The following WDR72 variants were observed in gnomAD, a reference collection of about 807,000 sequenced individuals.
WDR72 encodes the protein WD repeat-containing protein 72.
WDR72 carries 120 observed loss-of-function variants against 124.2 expected under a neutral mutation model. The ratio of observed to expected loss-of-function variants is 0.97; its 90% confidence interval spans 0.83 to 1.12. The LOEUF (loss-of-function observed/expected upper bound fraction) is 1.12, where lower values mean the gene tolerates loss of function less well. WDR72 is among the 50% of genes most tolerant of loss of function. The pLI, the probability that WDR72 is intolerant of heterozygous loss-of-function variation, is 0.00. For synonymous variants in WDR72, 452 were observed against 441.7 expected (o/e 1.02, Z -0.29); for missense variants, 1,387 against 1,278.8 (o/e 1.08, Z -1.29).
At chr15:53,701,543 T>TCTCTCTCTCTCTCG (rs896199248) in intron 12 of WDR72, among the ~76,000 whole-genome samples, 2 of 101,072 alleles carry the variant, frequency 2.0e-5, no homozygotes, top group African/African-American at 6.0e-5. Context: ...CCTGTCTCTC[T>TCTCTCTCTCTCTCG]CTCTCTCTCT....
chr15:53,615,324 T>G, intron 15 of WDR72, 102 bp downstream of exon 15: 1 of 948,704 alleles, frequency 1.1e-6, no homozygotes, highest in Non-Finnish European at 1.6e-6. Flanking sequence ...TACCCCCCAC[T>G]GGAAAGAAGG....
intron 17 of WDR72, among the ~76,000 whole-genome samples, chr15:53,607,614 T>G (rs980251157): frequency 1.3e-5 from 2 of 151,984 alleles, no homozygotes; most frequent in South Asian, 4.2e-4. Context: ...TGGGCAAAAA[T>G]TTCCTGAGTA....
At chr15:53,588,464 C>T (rs1302259232) in intron 18 of WDR72, among the ~76,000 whole-genome samples, 1 of 151,958 alleles carries the variant, frequency 6.6e-6, no homozygotes, top group Non-Finnish European at 1.5e-5. Flanking sequence ...ATAGTAAGTG[C>T]TTAATAAGAA....
In WDR72 at chr15:53,573,501, T is replaced by C. The variant is rs151080011; in HGVS notation, c.3148+23578A>G. Among the ~76,000 whole-genome samples the C allele has an allele frequency of 3.7e-3, 569 of 152,342 alleles. 1 individual carries two copies. The highest frequency in any genetic ancestry group is 6.1e-3 in the Non-Finnish European group (413 of 68,034). On this transcript the variant is annotated intron_variant, in intron 18 of 19. Coordinates refer to ENST00000360509, the MANE Select transcript of WDR72 (RefSeq NM_182758.4). The stretch of plus-strand genomic sequence containing the variant: ...ATGATGTGTTTTTTATGATTCTTGC[T>C]TGTAATTTTAACTCCTTTATCCATT...
chr15:53,557,642 T>G (rs1893979566), intron 18 of WDR72, among the ~76,000 whole-genome samples: 1 of 151,728 alleles, frequency 6.6e-6, no homozygotes, highest in Non-Finnish European at 1.5e-5. Context: ...CTGGCTGAGG[T>G]CAAGAGAGAT....
intron 18 of WDR72, among the ~76,000 whole-genome samples, chr15:53,574,843 T>C (rs1894691400): frequency 6.6e-6 from 1 of 151,944 alleles, no homozygotes; most frequent in Admixed American, 6.6e-5. Flanking sequence ...AAGAAATATA[T>C]ATGGGTGGGG....
At chr15:53,593,243 T>C (rs867298103) in intron 18 of WDR72, among the ~76,000 whole-genome samples, 11 of 152,112 alleles carry the variant, frequency 7.2e-5, no homozygotes, top group South Asian at 2.1e-4. Flanking sequence ...AATAAAAATC[T>C]AAGAAAATCA....
At chr15:53,526,749 A>G (rs1289450188) in intron 18 of WDR72, among the ~76,000 whole-genome samples, 1 of 152,108 alleles carries the variant, frequency 6.6e-6, no homozygotes, top group Admixed American at 6.6e-5. Context: ...AGAGCTTGGC[A>G]GAGAGATACT....
At chr15:53,613,857 G>A (rs2140364655) in intron 15 of WDR72, 100 bp from the exon 16 acceptor site, 1 of 735,618 alleles carries the variant, frequency 1.4e-6, no homozygotes, top group Non-Finnish European at 2.4e-6. Flanking sequence ...TAGCAAATTT[G>A]GAAATTGAAT....
At chr15:53,608,527 G>T (rs2013387537) in intron 17 of WDR72, among the ~76,000 whole-genome samples, 1 of 152,060 alleles carries the variant, frequency 6.6e-6, no homozygotes, top group Non-Finnish European at 1.5e-5. Context: ...GGCTGAGGTG[G>T]GAGGATCGCT....
At chr15:53,578,573 A>G (rs572056758) in intron 18 of WDR72, among the ~76,000 whole-genome samples, 3 of 152,228 alleles carry the variant, frequency 2.0e-5, no homozygotes, top group Admixed American at 1.3e-4. Context: ...TGAAAAGGGT[A>G]TGGTTTGGCT....
chr15:53,657,213 G>A (rs1021740028), intron 14 of WDR72, among the ~76,000 whole-genome samples: 1 of 127,250 alleles, frequency 7.9e-6, no homozygotes, highest in African/African-American at 3.0e-5. Context: ...GCAGTGAGCC[G>A]AGATCATGTC....
upstream of WDR72, among the ~76,000 whole-genome samples, chr15:53,761,257 C>A (rs1435612473): frequency 6.6e-6 from 1 of 152,136 alleles, no homozygotes; most frequent in Non-Finnish European, 1.5e-5. Flanking sequence ...CAAATCAAAA[C>A]TACAATGGGA....
intron 19 of WDR72, among the ~76,000 whole-genome samples, chr15:53,521,458 C>G (rs1891789134): frequency 6.6e-6 from 1 of 152,204 alleles, no homozygotes; most frequent in South Asian, 2.1e-4. Context: ...CAGGAAGGGA[C>G]AGAGGAAAAA....
intron 17 of WDR72, among the ~76,000 whole-genome samples, chr15:53,606,973 G>C (rs780193345): frequency 6.6e-6 from 1 of 152,110 alleles, no homozygotes; most frequent in Non-Finnish European, 1.5e-5. Context: ...AGTATATTAC[G>C]AGTTAACTTT....
At chr15:53,539,858 C>T (rs1009821109) in intron 18 of WDR72, among the ~76,000 whole-genome samples, 1 of 151,904 alleles carries the variant, frequency 6.6e-6, no homozygotes, top group African/African-American at 2.4e-5. Context: ...TTAAGATTGA[C>T]TAACAAAGTA....
At chr15:53,721,747 T>C (rs1166819319) in intron 3 of WDR72, among the ~76,000 whole-genome samples, 1 of 152,198 alleles carries the variant, frequency 6.6e-6, no homozygotes, top group African/African-American at 2.4e-5. Context: ...AAGAGAGGCT[T>C]ATCTTGTTTC....
At chr15:53,525,750 T>C (rs1892078648) in intron 18 of WDR72, among the ~76,000 whole-genome samples, 1 of 151,970 alleles carries the variant, frequency 6.6e-6, no homozygotes, top group Admixed American at 6.6e-5. Context: ...GGGTGTGACT[T>C]GTGTGGGGGA....
In WDR72 at chr15:53,705,041, T is replaced by C; in HGVS notation, c.1295A>G (p.Gln432Arg). ...GCEDGTIIITQALNAAKARLL... is the reference protein window; with the variant it reads ...GCEDGTIIITRALNAAKARLL... ...TCTTGCTTTGGCAGCATTCAAAGCC[T>C]GGGTAATGATAATTGTCCCATCTTC... is the stretch of plus-strand genomic sequence containing the variant. Residue 432 changes from glutamine to arginine, a missense_variant, in exon 11 of 20, where the codon CAG (glutamine) becomes CGG (arginine). Physicochemically the swap from Gln to Arg is conservative, Grantham distance 43. Transcript: ENST00000360509. 1 of 1,614,104 alleles carries C rather than the reference T, an allele frequency of 6.2e-7. No individual in the cohort carries two copies. The highest frequency in any genetic ancestry group is 2.2e-5 in the East Asian group (1 of 44,850).
Sources: allele counts gnomAD v4.1 joint callset (sites outside exome capture counted in the v4.1 genomes callset), GRCh38; gene constraint gnomAD v4.1.1; transcripts MANE v1.5; gene names NCBI Gene and HGNC (gene_info 2026-07-23, HGNC 2026-07-21).